The following ACOXL variants were observed in gnomAD, a reference collection of about 807,000 sequenced individuals.
The protein encoded by ACOXL is acyl-coenzyme A oxidase-like protein.
In ACOXL, 70 loss-of-function variants were observed where a neutral mutation model predicts 71.9. That is an observed-to-expected ratio of 0.97 (90% CI 0.80 to 1.19). The LOEUF is 1.19. Ranked by LOEUF, ACOXL falls within the 50% of genes most tolerant of loss-of-function variation. The pLI, the probability that ACOXL is intolerant of heterozygous loss-of-function variation, is 0.00. For synonymous variants in ACOXL, 253 were observed against 281.6 expected, an observed-to-expected ratio of 0.90 and a Z score of 1.02; for missense variants, 703 against 736.3, an observed-to-expected ratio of 0.95 and a Z score of 0.52.
At chr2:111,004,927 T>C (rs116483034) in intron 14 of ACOXL, among the ~76,000 whole-genome samples, 2 of 152,212 alleles carry the variant, frequency 1.3e-5, no homozygotes, top group African/African-American at 2.4e-5. Flanking sequence ...AACAATCTCA[T>C]GGCACAGAAA....
At chr2:110,762,465 C>T (rs1422527831) in intron 1 of ACOXL, among the ~76,000 whole-genome samples, 2 of 150,928 alleles carry the variant, frequency 1.3e-5, no homozygotes, top group African/African-American at 2.4e-5. Context: ...TTTAGGATAC[C>T]GTCTTGATGT....
chr2:110,968,157 G>T, intron 12 of ACOXL: 4 of 1,264,812 alleles, frequency 3.2e-6, no homozygotes, highest in South Asian at 2.4e-5. Flanking sequence ...TGGCCCGCAG[G>T]CTTCTCAATA....
At chr2:111,043,869 A>G (rs1471081080) in intron 15 of ACOXL, among the ~76,000 whole-genome samples, 1 of 152,158 alleles carries the variant, frequency 6.6e-6, no homozygotes, top group Non-Finnish European at 1.5e-5. Flanking sequence ...TAGGTATCTG[A>G]GATGAGAGCC....
chr2:110,835,986 A>G (rs1408377545), intron 9 of ACOXL, among the ~76,000 whole-genome samples: 1 of 152,214 alleles, frequency 6.6e-6, no homozygotes, highest in Non-Finnish European at 1.5e-5. Context: ...CAGGCTGGAA[A>G]GGTCGGGGTT....
intron 10 of ACOXL, among the ~76,000 whole-genome samples, chr2:110,858,120 C>T (rs561778907): frequency 2.6e-5 from 4 of 152,132 alleles, no homozygotes; most frequent in African/African-American, 9.6e-5. Flanking sequence ...CTAGTTACAG[C>T]CAAAGAAGAT....
intron 1 of ACOXL, among the ~76,000 whole-genome samples, chr2:110,755,885 C>G (rs1375600372): frequency 1.3e-5 from 2 of 152,000 alleles, no homozygotes; most frequent in Non-Finnish European, 2.9e-5. Context: ...CTGTTAGTTT[C>G]TAGTGTGTCC....
intron 15 of ACOXL, among the ~76,000 whole-genome samples, chr2:111,036,091 G>A (rs149376167): frequency 1.3e-5 from 2 of 152,318 alleles, no homozygotes; most frequent in African/African-American, 4.8e-5. Context: ...GGACAAACCC[G>A]ACTTGGGGTA....
chr2:110,893,934 A>G (rs775003693), intron 10 of ACOXL, among the ~76,000 whole-genome samples: 2 of 152,172 alleles, frequency 1.3e-5, no homozygotes, highest in Non-Finnish European at 2.9e-5. Flanking sequence ...AAAATATGAC[A>G]TATGTGTTAC....
intron 2 of ACOXL, among the ~76,000 whole-genome samples, chr2:110,776,700 G>A (rs372502417): frequency 5.5e-4 from 84 of 152,152 alleles, no homozygotes; most frequent in African/African-American, 2.0e-3. Flanking sequence ...CAACCAGGGA[G>A]ATGGTGAGTC....
At chr2:110,837,036 AT>A (rs1435164463) in intron 9 of ACOXL, among the ~76,000 whole-genome samples, 1 of 152,244 alleles carries the variant, frequency 6.6e-6, no homozygotes, top group African/African-American at 2.4e-5. Context: ...TTGTTGAAGA[AT>A]TGGGAGTGCT....
At chr2:111,051,258 T>A (rs2066276873) in intron 16 of ACOXL, among the ~76,000 whole-genome samples, 1 of 152,136 alleles carries the variant, frequency 6.6e-6, no homozygotes, top group Non-Finnish European at 1.5e-5. Context: ...ACCATGTGGG[T>A]GTGACAATGG....
intron 14 of ACOXL, chr2:111,017,899 T>A (rs1259146109): frequency 6.6e-6 from 1 of 152,212 alleles, no homozygotes; most frequent in Non-Finnish European, 1.5e-5. Flanking sequence ...ATCTGAAACC[T>A]CTCTCCCTGC....
chr2:110,815,146 A>G (rs1687772887), intron 9 of ACOXL, among the ~76,000 whole-genome samples: 1 of 152,182 alleles, frequency 6.6e-6, no homozygotes, highest in Non-Finnish European at 1.5e-5. Context: ...GTGCTGAGCA[A>G]AAGGGGTAAA....
At chr2:110,805,064 C>T (rs114895645) in intron 8 of ACOXL, among the ~76,000 whole-genome samples, 199 bp from the exon 9 acceptor site, 87 of 152,324 alleles carry the variant, frequency 5.7e-4, no homozygotes, top group African/African-American at 1.9e-3. Context: ...AAACCACTAC[C>T]TCCCATGAGT....
intron 10 of ACOXL, among the ~76,000 whole-genome samples, chr2:110,879,893 C>T (rs1393984370): frequency 1.3e-5 from 2 of 151,916 alleles, no homozygotes; most frequent in Non-Finnish European, 2.9e-5. Flanking sequence ...GCCTGTAACC[C>T]CAGCACTTTG....
chr2:110,784,828 G>A lies in ACOXL; in HGVS notation c.159+13G>A, dbSNP rs764102517. On this transcript the variant is annotated intron_variant, in intron 3 of 17. Transcript: ENST00000439055. ...CACAGGAGTGAAGGTGAGAGGCGCCGGGCACCTGCCCTTCATGAATGCATG... is the reference window on the plus strand; with the variant it reads ...CACAGGAGTGAAGGTGAGAGGCGCCAGGCACCTGCCCTTCATGAATGCATG... The A allele has an allele frequency of 1.2e-5, 19 of 1,591,268 alleles. No homozygotes were observed. In the African/African-American group the frequency reaches 1.4e-4, roughly 11 times the overall value.
intron 16 of ACOXL, among the ~76,000 whole-genome samples, chr2:111,061,385 G>T (rs2066805020): frequency 6.6e-6 from 1 of 152,106 alleles, no homozygotes; most frequent in South Asian, 2.1e-4. Flanking sequence ...TAGAAAAAAA[G>T]GAACTGTCAA....
At chr2:110,782,698 G>T (rs1412701058) in intron 2 of ACOXL, among the ~76,000 whole-genome samples, 1 of 152,198 alleles carries the variant, frequency 6.6e-6, no homozygotes, top group South Asian at 2.1e-4. Flanking sequence ...AAAAATGACC[G>T]CAGTTGGACA....
intron 11 of ACOXL, among the ~76,000 whole-genome samples, chr2:110,916,881 A>G (rs757905858): frequency 6.6e-5 from 10 of 152,206 alleles, no homozygotes; most frequent in South Asian, 2.1e-4. Context: ...CCCTGGATAG[A>G]CCAATAACAA....
Sources: allele counts gnomAD v4.1 joint callset (sites outside exome capture counted in the v4.1 genomes callset), GRCh38; gene constraint gnomAD v4.1.1; transcripts MANE v1.5; gene names NCBI Gene and HGNC (gene_info 2026-07-23, HGNC 2026-07-21).